The following RABGAP1L variants were observed in gnomAD, a reference collection of about 807,000 sequenced individuals.
The protein encoded by RABGAP1L is rab GTPase-activating protein 1-like.
A neutral mutation model predicts 137.7 loss-of-function variants in RABGAP1L; 63 were observed. That is an observed-to-expected ratio of 0.46 (90% confidence interval 0.37 to 0.56). The LOEUF (loss-of-function observed/expected upper bound fraction) is 0.56, where lower values mean the gene tolerates loss of function less well. Ranked by LOEUF, RABGAP1L falls within the 20% of genes least tolerant of loss-of-function variation. The probability of loss-of-function intolerance (pLI) is 0.00; values close to 1 mark genes in which losing one functional copy is unlikely to be tolerated. For missense variants in RABGAP1L, 1,095 were observed against 1,244.0 expected (o/e 0.88, Z 1.80); for synonymous variants, 431 against 433.7 (o/e 0.99, Z 0.08).
chr1:174,338,270 T>C (rs1681653944), intron 11 of RABGAP1L, among the ~76,000 whole-genome samples: 1 of 152,218 alleles, frequency 6.6e-6, no homozygotes, highest in African/African-American at 2.4e-5. Context: ...TTTAATCTTA[T>C]TCTAGCCTCA....
intron 1 of RABGAP1L, among the ~76,000 whole-genome samples, chr1:174,168,258 CGGTCTCAA>C (rs1421838916): frequency 4.6e-5 from 5 of 108,994 alleles, no homozygotes; most frequent in African/African-American, 2.0e-4. Context: ...GAGTGAGACT[CGGTCTCAA>C]AAAAAAAAAA....
intron 12 of RABGAP1L, among the ~76,000 whole-genome samples, chr1:174,383,613 T>C (rs1686427115): frequency 6.6e-6 from 1 of 152,190 alleles, no homozygotes; most frequent in Non-Finnish European, 1.5e-5. Context: ...CCCCTTGCGC[T>C]TCCCAAGTGA....
chr1:174,409,935 G>T (rs1267611044), intron 13 of RABGAP1L, among the ~76,000 whole-genome samples: 2 of 152,144 alleles, frequency 1.3e-5, no homozygotes, highest in East Asian at 3.8e-4. Flanking sequence ...AGGAGTTTTT[G>T]ATTTTGCCCT....
chr1:174,599,170 G>T (rs1386338244), intron 13 of RABGAP1L, among the ~76,000 whole-genome samples: 2 of 152,172 alleles, frequency 1.3e-5, no homozygotes, highest in Admixed American at 6.6e-5. Context: ...TAAAACTAAT[G>T]ACAACTTAAC....
In RABGAP1L at chr1:174,221,086, G is replaced by T. The variant is rs1450548733; in HGVS notation, c.253G>T (p.Asp85Tyr). The T allele has an allele frequency of 6.2e-7, 1 of 1,613,862 alleles. No individual in the cohort carries two copies. The highest frequency in any genetic ancestry group is 1.1e-5 in the South Asian group (1 of 91,060). The change falls in exon 3 of 26, where the codon GAC becomes TAC. Residue 85 changes from aspartate to tyrosine, a missense_variant. Physicochemically the swap from Asp to Tyr is radical, Grantham distance 160. This residue lies in a region of RABGAP1L where 356 missense variants were observed against 326.3 expected (regional missense o/e 1.09). Transcript: ENST00000681986. ...TTGTCAAAGTTCCAGTGAGATTTCA[G>T]ACCATTCGTTTGGAGATATTCCAGC... ...VDCQSSSEIS[D>Y]HSFGDIPASQ...
At chr1:174,720,165 G>A (rs191695340) in intron 17 of RABGAP1L, among the ~76,000 whole-genome samples, 140 of 152,140 alleles carry the variant, frequency 9.2e-4, no homozygotes, top group African/African-American at 3.1e-3. Flanking sequence ...TTTTCAACAA[G>A]GATGCCAAGA....
At chr1:174,406,273 A>G (rs1466320161) in intron 13 of RABGAP1L, among the ~76,000 whole-genome samples, 2 of 152,292 alleles carry the variant, frequency 1.3e-5, no homozygotes, top group East Asian at 1.9e-4. Flanking sequence ...AATTTAAAAT[A>G]TACTCTAAGT....
At chr1:174,782,982 G>T (rs1203808966) in intron 18 of RABGAP1L, among the ~76,000 whole-genome samples, 2 of 152,054 alleles carry the variant, frequency 1.3e-5, no homozygotes, top group Admixed American at 1.3e-4. Flanking sequence ...CCATTGTATG[G>T]GAGCTCTGTT....
intron 13 of RABGAP1L, among the ~76,000 whole-genome samples, chr1:174,429,117 G>A (rs962089233): frequency 1.3e-5 from 2 of 152,078 alleles, no homozygotes; most frequent in African/African-American, 4.8e-5. Flanking sequence ...TGTGATGCTG[G>A]TAAGCATGGA....
chr1:174,201,483 C>T (rs1463754681), intron 1 of RABGAP1L, among the ~76,000 whole-genome samples: 5 of 152,234 alleles, frequency 3.3e-5, no homozygotes, highest in South Asian at 4.1e-4. Flanking sequence ...CAGGTGCCAC[C>T]GCACCCGGCC....
chr1:174,897,540 T>C (rs1277335689), intron 19 of RABGAP1L: 5 of 152,254 alleles, frequency 3.3e-5, no homozygotes, highest in Admixed American at 3.3e-4. Context: ...CCATGATGAC[T>C]GTGGCAACAG....
intron 10 of RABGAP1L, among the ~76,000 whole-genome samples, chr1:174,280,357 T>C (rs1291118832): frequency 1.3e-5 from 2 of 152,162 alleles, no homozygotes; most frequent in Non-Finnish European, 2.9e-5. Flanking sequence ...ATTACTACTT[T>C]AAAGAAATAA....
At chr1:174,384,019 A>G (rs554387408) in intron 12 of RABGAP1L, among the ~76,000 whole-genome samples, 2 of 152,298 alleles carry the variant, frequency 1.3e-5, no homozygotes, top group African/African-American at 4.8e-5. Context: ...CCCAAACTGC[A>G]AACAACCCAA....
chr1:174,757,547 T>C (rs1281749873), intron 18 of RABGAP1L, among the ~76,000 whole-genome samples: 1 of 148,400 alleles, frequency 6.7e-6, no homozygotes, highest in Admixed American at 6.7e-5. Flanking sequence ...TATAAATTTA[T>C]TTATACATAA....
chr1:174,223,781 GAA>G (rs1669958512), intron 3 of RABGAP1L, among the ~76,000 whole-genome samples: 1 of 152,106 alleles, frequency 6.6e-6, no homozygotes, highest in Non-Finnish European at 1.5e-5. Flanking sequence ...AGGTAGCTAA[GAA>G]AATTTTTAAA....
intron 10 of RABGAP1L, among the ~76,000 whole-genome samples, chr1:174,300,646 C>T (rs114141977): frequency 0.011 from 1,658 of 151,916 alleles, 32 homozygotes; most frequent in African/African-American, 0.038. Flanking sequence ...GGCCTGGTGG[C>T]TTATGCCTGT....
chr1:174,705,451 G>A (rs1236793255), intron 17 of RABGAP1L: 1 of 152,152 alleles, frequency 6.6e-6, no homozygotes, highest in Non-Finnish European at 1.5e-5. Flanking sequence ...TGTTTGAAAG[G>A]TCATAATGTT....
chr1:174,456,744 C>A (rs145698208), intron 13 of RABGAP1L, among the ~76,000 whole-genome samples: 1 of 151,982 alleles, frequency 6.6e-6, no homozygotes, highest in South Asian at 2.1e-4. Context: ...TTCTTTAAGT[C>A]GTTTCTAGTG....
At chr1:174,531,692 C>T (rs1314775261) in intron 13 of RABGAP1L, among the ~76,000 whole-genome samples, 1 of 138,034 alleles carries the variant, frequency 7.2e-6, no homozygotes, top group African/African-American at 2.6e-5. Context: ...TTAATCACAC[C>T]TCTGATTAGC....
Sources: gnomAD v4.1 joint callset for allele counts (sites outside exome capture counted in the v4.1 genomes callset) on GRCh38, gnomAD v4.1.1 for gene constraint, gnomAD v4.1.1 regional missense constraint, MANE v1.5 for transcripts, NCBI Gene and HGNC (gene_info 2026-07-23, HGNC 2026-07-21) for gene names.